COL5A2: variants seen among roughly 807,000 people sequenced by gnomAD.
COL5A2 encodes collagen type V alpha 2 chain.
COL5A2 carries 23 observed loss-of-function variants against 208.2 expected under a neutral mutation model. That is an observed-to-expected ratio of 0.11 (90% CI 0.08 to 0.16). The LOEUF is 0.16. COL5A2 is among the 10% of genes least tolerant of loss of function. The pLI is 1.00. For synonymous variants in COL5A2, 625 were observed against 628.5 expected (o/e 0.99, Z 0.08); for missense variants, 1,590 against 1,956.4 (o/e 0.81, Z 3.53).
At chr2:189,437,143 T>G in the COL5A2 span, among the ~76,000 whole-genome samples, 3 of 152,192 alleles carry the variant, frequency 2.0e-5, no homozygotes, top group African/African-American at 7.2e-5. Context: ...GCATAGTAAG[T>G]CTTAGGTTTT....
chr2:189,222,779 T>C (rs2105880216), intron 1 of COL5A2, among the ~76,000 whole-genome samples: 1 of 152,294 alleles, frequency 6.6e-6, no homozygotes, highest in South Asian at 2.1e-4. Context: ...AGGAAATCAC[T>C]AATGCCCAGT....
chr2:189,047,387 C>A (rs1027757922), intron 45 of COL5A2, among the ~76,000 whole-genome samples: 1 of 152,188 alleles, frequency 6.6e-6, no homozygotes, highest in Non-Finnish European at 1.5e-5. Flanking sequence ...TTAGCCCAAG[C>A]TTCCTCCAAA....
chr2:189,230,459 T>C, the COL5A2 span, among the ~76,000 whole-genome samples: 147 of 151,858 alleles, frequency 9.7e-4, 1 homozygote, highest in East Asian at 0.028. Context: ...ATATAAAGGA[T>C]TACATATAAA....
intron 1 of COL5A2, among the ~76,000 whole-genome samples, chr2:189,206,533 G>A (rs1313713565): frequency 6.6e-6 from 1 of 152,158 alleles, no homozygotes; most frequent in Non-Finnish European, 1.5e-5. Flanking sequence ...TACACCCTGG[G>A]ATGGATAGAA....
intron 6 of COL5A2, chr2:189,095,042 C>CT (rs1686877691): frequency 6.6e-6 from 1 of 151,392 alleles, no homozygotes; most frequent in African/African-American, 2.4e-5. Flanking sequence ...GCAAAACTTC[C>CT]TACAATGCAT....
At chr2:189,370,062 A>C in the COL5A2 span, among the ~76,000 whole-genome samples, 2 of 152,308 alleles carry the variant, frequency 1.3e-5, no homozygotes, top group South Asian at 2.1e-4. Context: ...ACTCCCAGCA[A>C]GTCTGTTATG....
chr2:189,247,791 G>A, the COL5A2 span, among the ~76,000 whole-genome samples: 8 of 152,048 alleles, frequency 5.3e-5, no homozygotes, highest in East Asian at 1.5e-3. Flanking sequence ...AGTTGGTCAG[G>A]CTGGTCTCTA....
At position 189,036,721 on chromosome 2, in the gene COL5A2, A is replaced by C; in HGVS notation, c.4008T>G (p.Cys1336Trp). The change falls in exon 52 of 54, where the codon TGT becomes TGG. Residue 1336 changes from cysteine to tryptophan, a missense_variant. Coordinates refer to ENST00000374866, the MANE Select transcript of COL5A2 (RefSeq NM_000393.5). ...GTACACTGGATGGGTTTGCTGAAAT[A>C]CATGTTTCTCCTGTTTCCATGTTGC... ...VYCNMETGETCISANPSSVPR... is the reference protein window; with the variant it reads ...VYCNMETGETWISANPSSVPR... The C allele has an allele frequency of 6.2e-7, 1 of 1,613,734 alleles. No individual in the cohort carries two copies.
the COL5A2 span, among the ~76,000 whole-genome samples, chr2:189,412,964 A>T: frequency 6.6e-6 from 1 of 152,238 alleles, no homozygotes; most frequent in East Asian, 1.9e-4. Flanking sequence ...AAGAGAATGG[A>T]AAAGTTGTAT....
Position 189,092,327 on chromosome 2 carries a change from G to T in COL5A2, c.550C>A (p.Pro184Thr). 6.2e-7 allele frequency: 1 copy of T among 1,607,638 alleles called. No homozygotes were observed. Among genetic ancestry groups the T allele is most frequent in the East Asian group, 2.2e-5 (1 of 44,746 alleles). Residue 184 changes from proline to threonine, a missense_variant, in exon 7 of 54, where the codon CCC becomes ACC. By Grantham distance (38) the Pro-to-Thr change is conservative. Coordinates refer to ENST00000374866, the MANE Select transcript of COL5A2 (RefSeq NM_000393.5). ...CAACTCACCCTGCTCAAGCCATCGG[G>T]TCCTGGGTGGGACGGATGTCCAGGA... is the stretch of plus-strand genomic sequence containing the variant. ...GPPGHPSHPG[P>T]DGLSRPFSAQ...
the COL5A2 span, among the ~76,000 whole-genome samples, chr2:189,367,933 T>C: frequency 6.6e-6 from 1 of 152,208 alleles, no homozygotes; most frequent in Non-Finnish European, 1.5e-5. Context: ...GTCCCATTTT[T>C]AAGCAATCTA....
At chr2:189,079,640 G>A (rs1189563806) in intron 14 of COL5A2, among the ~76,000 whole-genome samples, 1 of 152,050 alleles carries the variant, frequency 6.6e-6, no homozygotes, top group Non-Finnish European at 1.5e-5. Context: ...TCAATAATGG[G>A]ACTAATGAAC....
chr2:189,274,538 T>C, the COL5A2 span, among the ~76,000 whole-genome samples: 1 of 152,190 alleles, frequency 6.6e-6, no homozygotes, highest in African/African-American at 2.4e-5. Context: ...CAGCCCAGCC[T>C]CAGCTTCTGC....
chr2:189,087,196 G>C (rs2105654138), intron 8 of COL5A2, among the ~76,000 whole-genome samples: 1 of 152,280 alleles, frequency 6.6e-6, no homozygotes, highest in Admixed American at 6.5e-5. Context: ...AAAGGTTTAT[G>C]AAACATCAAC....
chr2:189,086,000 T>C (rs1280160088), intron 9 of COL5A2, among the ~76,000 whole-genome samples: 3 of 151,868 alleles, frequency 2.0e-5, no homozygotes, highest in Non-Finnish European at 4.4e-5. Flanking sequence ...AAGTAATTAA[T>C]GTATGTTAAG....
chr2:189,412,473 CA>C, the COL5A2 span, among the ~76,000 whole-genome samples: 1 of 152,146 alleles, frequency 6.6e-6, no homozygotes, highest in African/African-American at 2.4e-5. Flanking sequence ...GATTCACTAA[CA>C]GAATAATTAT....
chr2:189,207,785 G>A (rs1689159664), intron 1 of COL5A2, among the ~76,000 whole-genome samples: 1 of 151,936 alleles, frequency 6.6e-6, no homozygotes, highest in Non-Finnish European at 1.5e-5. Flanking sequence ...ACTAAATCCA[G>A]TGCAAAAATC....
chr2:189,112,216 T>C (rs1687297767), intron 1 of COL5A2, among the ~76,000 whole-genome samples: 1 of 152,166 alleles, frequency 6.6e-6, no homozygotes, highest in African/African-American at 2.4e-5. Flanking sequence ...TAAATATTTG[T>C]CTACTGGATG....
the COL5A2 span, among the ~76,000 whole-genome samples, chr2:189,409,938 A>C: frequency 3.3e-5 from 5 of 152,190 alleles, no homozygotes; most frequent in African/African-American, 1.2e-4. Flanking sequence ...AGGCTGAAAA[A>C]ATAGAGTTCA....
Sources: gnomAD v4.1 joint callset for allele counts (sites outside exome capture counted in the v4.1 genomes callset) on GRCh38, gnomAD v4.1.1 for gene constraint, MANE v1.5 for transcripts, NCBI Gene and HGNC (gene_info 2026-07-23, HGNC 2026-07-21) for gene names.